The following EIF5A variants were observed in gnomAD, a reference collection of about 807,000 sequenced individuals.
EIF5A encodes eukaryotic translation initiation factor 5A, also known as eukaryotic translation initiation factor 5A-1.
EIF5A carries 1 observed loss-of-function variant against 16.6 expected under a neutral mutation model. The ratio of observed to expected loss-of-function variants is 0.06; its 90% CI spans 0.02 to 0.28. The LOEUF is 0.28. Ranked by LOEUF, EIF5A falls within the 10% of genes least tolerant of loss-of-function variation. The probability of loss-of-function intolerance (pLI) is 1.00; values close to 1 mark genes in which losing one functional copy is unlikely to be tolerated. For missense variants in EIF5A, 29 were observed against 196.1 expected (o/e 0.15, Z 5.09); for synonymous variants, 80 against 73.6 (o/e 1.09, Z -0.44).
chr17:7,308,488 TGCAG>T (rs1483929995), intron 1 of EIF5A: 2 of 1,350,160 alleles, frequency 1.5e-6, no homozygotes, highest in Non-Finnish European at 2.0e-6. Flanking sequence ...GAGGGCCTGC[TGCAG>T]GCATATGTTA....
intron 2 of EIF5A, chr17:7,310,487 G>C: frequency 8.5e-7 from 1 of 1,170,406 alleles, no homozygotes; most frequent in South Asian, 1.7e-5. Flanking sequence ...TCCATCTTTT[G>C]ACTTGACATT....
chr17:7,309,556 A>G (rs1340603205), intron 1 of EIF5A, 59 bp from the exon 2 acceptor site: 2 of 1,596,690 alleles, frequency 1.3e-6, no homozygotes, highest in East Asian at 2.2e-5. Context: ...GAAATGGGAT[A>G]GATTGGAGGT....
In EIF5A at chr17:7,311,654, G is replaced by A. The variant is rs375703574; in HGVS notation, c.*11+3G>A. Reference sequence around the variant, plus strand: ...ATGGCAAAATAACTGGCTCCCAGGTGAGTGTGACAAATCCCTCACTGTCCC... The same window carrying A: ...ATGGCAAAATAACTGGCTCCCAGGTAAGTGTGACAAATCCCTCACTGTCCC... On this transcript the variant is annotated splice_donor_region_variant and intron_variant, in intron 5 of 5. Transcript: ENST00000336458. The A allele has an allele frequency of 2.5e-6, 4 of 1,613,946 alleles. No homozygotes were observed. The highest frequency in any genetic ancestry group is 2.7e-5 in the African/African-American group (2 of 74,904).
chr17:7,309,858 C>G, intron 2 of EIF5A, 58 bp downstream of exon 2: 2 of 1,614,080 alleles, frequency 1.2e-6, no homozygotes, highest in Non-Finnish European at 1.7e-6. Context: ...TTTGGCGCTC[C>G]CAGCAGCAAG....
chr17:7,307,267 A>G, upstream of EIF5A: 1 of 1,184,392 alleles, frequency 8.4e-7, no homozygotes, highest in Middle Eastern at 2.3e-4. Context: ...GATTCCGAAC[A>G]CGCATGCGTT....
At position 7,312,463 on chromosome 17, in the gene EIF5A, A is replaced by G. The variant is rs567565322; in HGVS notation, c.*653A>G. On this transcript the variant is annotated 3_prime_UTR_variant, in exon 6 of 6. Coordinates refer to ENST00000336458, the MANE Select transcript of EIF5A (RefSeq NM_001970.5). ...CTACAAGTTTAATATGAAGCCCCCA[A>G]CTCAGCTGCTTATTTGAATTAAATG... 1.4e-5 allele frequency: 5 copies of G among 361,046 alleles called. No individual in the cohort carries two copies. Among genetic ancestry groups the G allele is most frequent in the Non-Finnish European group, 2.6e-5 (5 of 189,446 alleles). The allele number at this position is 361,046 out of a possible 1,614,324, so 22.4% of individuals were successfully genotyped here.
rs2072666780 is a variant in EIF5A, at chr17:7,307,707, G to T, written c.-67G>T. Reference sequence around the variant, plus strand: ...GGCAGCGGGCTCGGAGGCAGCGGTTGGGCTCGCGGCGAGCGGACGGGGTCG... The same window carrying T: ...GGCAGCGGGCTCGGAGGCAGCGGTTTGGCTCGCGGCGAGCGGACGGGGTCG... On this transcript the variant is annotated 5_prime_UTR_variant, in exon 1 of 6. Coordinates refer to ENST00000336458, the MANE Select transcript of EIF5A (RefSeq NM_001970.5). 4 of 1,045,100 alleles carry T rather than the reference G, an allele frequency of 3.8e-6. No individual in the cohort carries two copies. Among genetic ancestry groups the T allele is most frequent in the Non-Finnish European group, 4.6e-6 (4 of 869,476 alleles). The allele number at this position is 1,045,100 out of a possible 1,614,324, so 64.7% of individuals were successfully genotyped here.
chr17:7,312,383 C>G lies in EIF5A; in HGVS notation c.*573C>G. 4.4e-6 allele frequency: 1 copy of G among 229,832 alleles called. No individual in the cohort carries two copies. 14.2% of individuals were successfully genotyped at this position (229,832 alleles called of 1,614,324 possible). ...AGGGCCCTGCCCCCATGGGCTTTAC[C>G]CTTCCCTGCGGGCTCTCTCCCCGAC... On this transcript the variant is annotated 3_prime_UTR_variant, in exon 6 of 6. Transcript: ENST00000336458.
intron 3 of EIF5A, 49 bp downstream of exon 3, chr17:7,311,171 G>C (rs757380453): frequency 6.2e-7 from 1 of 1,602,056 alleles, no homozygotes; most frequent in Non-Finnish European, 8.5e-7. Context: ...ATGGTGGAGG[G>C]AGGGGTTGGG....
intron 1 of EIF5A, chr17:7,308,481 GGCCTGCTGCAGGCATA>G: frequency 7.4e-7 from 1 of 1,349,268 alleles, no homozygotes; most frequent in Non-Finnish European, 9.8e-7. Flanking sequence ...CACCCCGGAG[GGCCTGCTGCAGGCATA>G]TGTTAGCGCT....
chr17:7,307,005 C>G (rs371843327), upstream of EIF5A: 7 of 1,542,610 alleles, frequency 4.5e-6, no homozygotes, highest in African/African-American at 5.5e-5. Context: ...CCCGACCACA[C>G]TAGCGCGCTA....
Position 7,311,939 on chromosome 17 carries a change from A to C in EIF5A, c.*129A>C, listed in dbSNP as rs1047052903. The stretch of plus-strand genomic sequence containing the variant: ...TCCTACACAATTTATTTGACGTTTT[A>C]TTTTGGTTTTCCCCACCCCCTCAAT... On this transcript the variant is annotated 3_prime_UTR_variant, in exon 6 of 6. Coordinates refer to ENST00000336458, the MANE Select transcript of EIF5A (RefSeq NM_001970.5). The C allele has an allele frequency of 6.1e-6, 3 of 489,984 alleles. No homozygotes were observed. 30.4% of individuals were successfully genotyped at this position (489,984 alleles called of 1,614,324 possible). A position where few individuals can be genotyped will look rare whatever the true frequency, so the allele number is the denominator to read the frequency against.
Position 7,311,815 on chromosome 17 carries a change from T to G in EIF5A, c.*12-7T>G. The G allele has an allele frequency of 3.1e-6, 3 of 982,908 alleles. No homozygotes were observed. The highest frequency in any genetic ancestry group is 4.6e-6 in the Non-Finnish European group (3 of 657,932). 60.9% of individuals were successfully genotyped at this position (982,908 alleles called of 1,614,324 possible). ...TCCTGTCTTACTAATTTCTCTCTCCTACCTAGGGTGGCGGTGGTGGCAGCA... is the reference window on the plus strand; with the variant it reads ...TCCTGTCTTACTAATTTCTCTCTCCGACCTAGGGTGGCGGTGGTGGCAGCA... On this transcript the variant is annotated splice_region_variant and splice_polypyrimidine_tract_variant and intron_variant, in intron 5 of 5. Coordinates refer to ENST00000336458, the MANE Select transcript of EIF5A (RefSeq NM_001970.5).
At chr17:7,310,322 A>T in intron 2 of EIF5A, 3 of 1,263,802 alleles carry the variant, frequency 2.4e-6, no homozygotes, top group Non-Finnish European at 3.1e-6. Context: ...GCCCCATCCC[A>T]CTCTCCTTGG....
chr17:7,307,681 C>G lies in EIF5A; in HGVS notation c.-93C>G. The stretch of plus-strand genomic sequence containing the variant: ...GCGGCGGTAGAGGCGGCGGCGGCGG[C>G]GGCAGCGGGCTCGGAGGCAGCGGTT... On this transcript the variant is annotated 5_prime_UTR_variant, in exon 1 of 6. Transcript: ENST00000336458. 1 of 1,048,192 alleles carries G rather than the reference C, an allele frequency of 9.5e-7. No individual in the cohort carries two copies. The highest frequency in any genetic ancestry group is 1.1e-6 in the Non-Finnish European group (1 of 870,634). The allele number at this position is 1,048,192 out of a possible 1,614,324, so 64.9% of individuals were successfully genotyped here.
intron 1 of EIF5A, chr17:7,308,060 C>T (rs2072680517): frequency 7.1e-6 from 7 of 985,552 alleles, no homozygotes; most frequent in African/African-American, 3.5e-5. Flanking sequence ...GATCGGCCCA[C>T]CGGGGCAAGG....
intron 2 of EIF5A, 40 bp from the exon 3 acceptor site, chr17:7,310,978 A>C: frequency 6.3e-7 from 1 of 1,586,362 alleles, no homozygotes; most frequent in Non-Finnish European, 8.6e-7. Flanking sequence ...CCTCCGTTTT[A>C]GAGTTTGGTT....
intron 1 of EIF5A, 180 bp downstream of exon 1, chr17:7,307,932 G>T: frequency 2.0e-6 from 2 of 984,902 alleles, no homozygotes; most frequent in Non-Finnish European, 2.4e-6. Context: ...CGCGCGGGGT[G>T]ACGGTTGGGG....
chr17:7,307,215 C>A (rs1273643658), upstream of EIF5A: 9 of 1,357,098 alleles, frequency 6.6e-6, no homozygotes, highest in East Asian at 1.8e-4. Flanking sequence ...CTTTTCAACG[C>A]CTGGCGTACT....
Sources: allele counts gnomAD v4.1 joint callset, GRCh38; gene constraint gnomAD v4.1.1; transcripts MANE v1.5; gene names NCBI Gene and HGNC (gene_info 2026-07-23, HGNC 2026-07-21).